GATB: variants seen among roughly 807,000 people sequenced by gnomAD.
The protein encoded by GATB is glutamyl-tRNA(Gln) amidotransferase subunit B, mitochondrial.
In GATB, 39 loss-of-function variants were observed where a neutral mutation model predicts 62.3. The observed-to-expected ratio is 0.63, with a 90% CI of 0.48 to 0.82. The LOEUF is 0.82. GATB is among the 40% of genes least tolerant of loss of function. GATB has a pLI of 0.00. For synonymous variants in GATB, 276 were observed against 258.9 expected, an observed-to-expected ratio of 1.07 and a Z score of -0.63; for missense variants, 670 against 684.0, an observed-to-expected ratio of 0.98 and a Z score of 0.23.
chr4:151,711,828 A>C (rs1013190150), intron 5 of GATB, among the ~76,000 whole-genome samples: 1 of 152,226 alleles, frequency 6.6e-6, no homozygotes. Context: ...GACGAATGCC[A>C]GAACGCTGGC....
chr4:151,728,202 A>G (rs1739175548), intron 2 of GATB, among the ~76,000 whole-genome samples: 1 of 152,234 alleles, frequency 6.6e-6, no homozygotes, highest in African/African-American at 2.4e-5. Flanking sequence ...TCCCATGTGC[A>G]CTAAAAGAAA....
At chr4:151,756,810 T>TAAA (rs1739839458) in intron 2 of GATB, among the ~76,000 whole-genome samples, 1 of 152,190 alleles carries the variant, frequency 6.6e-6, no homozygotes, top group Non-Finnish European at 1.5e-5. Context: ...TGGTCTAATT[T>TAAA]TTGACCAAAT....
chr4:151,701,577 A>G, intron 8 of GATB, 59 bp from the exon 9 acceptor site: 1 of 1,209,860 alleles, frequency 8.3e-7, no homozygotes. Flanking sequence ...TGAGAAAACA[A>G]AACCTCCCCC....
At chr4:151,681,817 C>T (rs989910499) in intron 10 of GATB, among the ~76,000 whole-genome samples, 2 of 152,184 alleles carry the variant, frequency 1.3e-5, no homozygotes, top group Admixed American at 6.5e-5. Flanking sequence ...CTGGTGGCAC[C>T]TTCTTGCTGT....
intron 11 of GATB, chr4:151,677,675 A>G (rs1256895482): frequency 6.6e-6 from 1 of 152,360 alleles, no homozygotes; most frequent in East Asian, 1.9e-4. Context: ...TGTCCGTACA[A>G]TGGTGAAGGG....
chr4:151,675,727 G>C (rs1277909283), intron 11 of GATB: 1 of 152,310 alleles, frequency 6.6e-6, no homozygotes, highest in Non-Finnish European at 1.5e-5. Context: ...GATGTAACAA[G>C]GAATTTCTAG....
At chr4:151,711,246 C>T (rs1046394215) in intron 5 of GATB, among the ~76,000 whole-genome samples, 2 of 152,196 alleles carry the variant, frequency 1.3e-5, no homozygotes, top group Non-Finnish European at 2.9e-5. Flanking sequence ...ATCGGAAATC[C>T]ACTTCCCACA....
intron 2 of GATB, among the ~76,000 whole-genome samples, chr4:151,755,340 T>C (rs113704298): frequency 0.013 from 2,029 of 152,158 alleles, 42 homozygotes; most frequent in African/African-American, 0.046. Flanking sequence ...CATAATGTTG[T>C]ACTGTACTGA....
chr4:151,672,822 C>T lies in GATB; in HGVS notation c.1485G>A (p.Met495Ile). ...QIVSEKQLELMQDQGALEQLC... is the reference protein window; with the variant it reads ...QIVSEKQLELIQDQGALEQLC... Reference sequence around the variant, plus strand: ...GCTGCTCCAGTGCCCCCTGGTCCTGCATCAGTTCAAGCTGCTTTTCTGAAA... The same window carrying T: ...GCTGCTCCAGTGCCCCCTGGTCCTGTATCAGTTCAAGCTGCTTTTCTGAAA... The change falls in exon 12 of 13, where the codon ATG becomes ATA. Residue 495 changes from methionine (M) to isoleucine (I), a missense_variant. By Grantham distance (10) the Met-to-Ile change is conservative (BLOSUM62 1). Coordinates refer to ENST00000263985, the MANE Select transcript of GATB (RefSeq NM_004564.3). 1 of 1,614,228 alleles carries T rather than the reference C, an allele frequency of 6.2e-7. No homozygotes were observed. The highest frequency in any genetic ancestry group is 8.5e-7 in the Non-Finnish European group (1 of 1,180,022).
intron 2 of GATB, chr4:151,722,262 G>C (rs1462172145): frequency 1.4e-6 from 1 of 700,554 alleles, no homozygotes. Flanking sequence ...AAACTTTAGG[G>C]GTACATAGAT....
intron 2 of GATB, among the ~76,000 whole-genome samples, chr4:151,755,107 T>G (rs1307355748): frequency 6.6e-6 from 1 of 152,194 alleles, no homozygotes; most frequent in Non-Finnish European, 1.5e-5. Context: ...TGTTAATTAA[T>G]AAGAGCACTT....
rs758857132 is a variant in GATB, at chr4:151,730,547, A to C, written c.328-11009T>G. Among the ~76,000 whole-genome samples the C allele has an allele frequency of 3.3e-5, 5 of 152,226 alleles. No homozygotes were observed. Among genetic ancestry groups the C allele is most frequent in the Admixed American group, 6.5e-5 (1 of 15,282 alleles). On this transcript the variant is annotated intron_variant, in intron 2 of 12. Coordinates refer to ENST00000263985, the MANE Select transcript of GATB (RefSeq NM_004564.3). The surrounding 1 kb of genome is among the most constrained non-coding windows in gnomAD (Gnocchi z 4.1). Reference sequence around the variant, plus strand: ...CACCCTCTGCCACCTTCACCAGAACAGGCGCTGGTATTCACGGCTGAGAGA... The same window carrying C: ...CACCCTCTGCCACCTTCACCAGAACCGGCGCTGGTATTCACGGCTGAGAGA...
chr4:151,747,524 C>T (rs573565520), intron 2 of GATB, among the ~76,000 whole-genome samples: 53 of 152,282 alleles, frequency 3.5e-4, no homozygotes, highest in African/African-American at 1.1e-3. Flanking sequence ...CCAATGGGCC[C>T]TGGCAGAGGC....
At chr4:151,693,124 T>C (rs1560845875) in intron 9 of GATB, among the ~76,000 whole-genome samples, 1 of 152,134 alleles carries the variant, frequency 6.6e-6, no homozygotes, top group Non-Finnish European at 1.5e-5. Flanking sequence ...TTCCTGTGGA[T>C]TTGGTCATTC....
chr4:151,745,434 A>G (rs1739575095), intron 2 of GATB, among the ~76,000 whole-genome samples: 1 of 152,244 alleles, frequency 6.6e-6, no homozygotes, highest in Non-Finnish European at 1.5e-5. Context: ...AATATCTTCT[A>G]TGTTCAGAGT....
At chr4:151,732,581 G>A (rs1335216042) in intron 2 of GATB, among the ~76,000 whole-genome samples, 10 of 152,006 alleles carry the variant, frequency 6.6e-5, no homozygotes, top group African/African-American at 1.7e-4. Flanking sequence ...CAAACACTGC[G>A]GAAGGCTGCA....
At chr4:151,696,702 G>A (rs2126965602) in intron 9 of GATB, among the ~76,000 whole-genome samples, 1 of 152,344 alleles carries the variant, frequency 6.6e-6, no homozygotes, top group African/African-American at 2.4e-5. Flanking sequence ...CATGCTAGAA[G>A]CAGGCAGCCT....
intron 9 of GATB, among the ~76,000 whole-genome samples, chr4:151,697,978 T>TATATATATATATATATATATAC (rs1738520440): frequency 7.5e-6 from 1 of 133,300 alleles, no homozygotes. Context: ...TATATATATA[T>TATATATATATATATATATATAC]ATATATATAT....
intron 2 of GATB, among the ~76,000 whole-genome samples, chr4:151,733,085 C>G (rs960557796): frequency 6.6e-6 from 1 of 151,832 alleles, no homozygotes; most frequent in Non-Finnish European, 1.5e-5. Flanking sequence ...ACAAACCAAA[C>G]CCAAACCCAG....
Sources: gnomAD v4.1 joint callset for allele counts (sites outside exome capture counted in the v4.1 genomes callset) on GRCh38, gnomAD v4.1.1 for gene constraint, Gnocchi (gnomAD v3.1) non-coding constraint, MANE v1.5 for transcripts, NCBI Gene and HGNC (gene_info 2026-07-23, HGNC 2026-07-21) for gene names.